The following GOT2 variants were observed in gnomAD, a reference collection of about 807,000 sequenced individuals.
GOT2 encodes glutamic-oxaloacetic transaminase 2.
Under a neutral mutation model 50.0 loss-of-function variants are expected in GOT2, and 17 were observed. The ratio of observed to expected loss-of-function variants is 0.34; its 90% CI spans 0.23 to 0.51. The LOEUF is 0.51. Among genes scored for constraint, GOT2 ranks in the 20% least tolerant of loss-of-function variants. The pLI, the probability that GOT2 is intolerant of heterozygous loss-of-function variation, is 0.97. For missense variants in GOT2, 430 were observed against 559.6 expected, an observed-to-expected ratio of 0.77 and a Z score of 2.34; for synonymous variants, 172 against 204.9, an observed-to-expected ratio of 0.84 and a Z score of 1.37.
chr16:58,712,748 A>G (rs913214947), intron 8 of GOT2, among the ~76,000 whole-genome samples: 1 of 152,222 alleles, frequency 6.6e-6, no homozygotes, highest in Admixed American at 6.5e-5. Flanking sequence ...AAAGCTTAGT[A>G]TAATTCTAAG....
At chr16:58,709,339 A>G (rs1310216894) in intron 9 of GOT2, 78 bp downstream of exon 9, 1 of 1,202,582 alleles carries the variant, frequency 8.3e-7, no homozygotes, top group African/African-American at 1.5e-5. Flanking sequence ...ATAAAAAAGA[A>G]AAAAGAAAAA....
At chr16:58,715,876 C>A in intron 8 of GOT2, 138 bp downstream of exon 8, 1 of 655,586 alleles carries the variant, frequency 1.5e-6, no homozygotes. Flanking sequence ...AAGGAATGCA[C>A]ATTTTTTGCT....
chr16:58,726,831 CTGAGT>C (rs2044789203), intron 1 of GOT2, among the ~76,000 whole-genome samples: 1 of 149,084 alleles, frequency 6.7e-6, no homozygotes, highest in Admixed American at 6.6e-5. Context: ...TGAAAAGAAG[CTGAGT>C]TAACTTTTTT....
intron 1 of GOT2, among the ~76,000 whole-genome samples, chr16:58,728,397 T>C (rs2044804525): frequency 6.6e-6 from 1 of 152,142 alleles, no homozygotes; most frequent in Non-Finnish European, 1.5e-5. Flanking sequence ...AAAAAAACAC[T>C]CAAAACCTAA....
At position 58,718,246 on chromosome 16, in the gene GOT2, C is replaced by A; in HGVS notation, c.652G>T (p.Gly218Ter). The change falls in exon 6 of 10, where the codon GGA becomes TGA. Residue 218 changes from glycine to a stop codon, truncating the protein, a stop_gained. Transcript: ENST00000245206. LOFTEE classifies it high-confidence loss of function. ...CACTGTTCCGGACGCGGGTCCACTC[C>A]CGTGGGATTGTGGGCGCAGGCATGC... ...LLHACAHNPTGVDPRPEQWKE... is the reference protein window; with the variant it reads ...LLHACAHNPT 1.2e-6 allele frequency: 2 copies of A among 1,614,116 alleles called. No homozygotes were observed. The highest frequency in any genetic ancestry group is 1.7e-6 in the Non-Finnish European group (2 of 1,179,954).
chr16:58,716,042 G>T lies in GOT2; in HGVS notation c.991C>A (p.Leu331Met), dbSNP rs2044689253. 6.2e-7 allele frequency: 1 copy of T among 1,613,318 alleles called. No homozygotes were observed. Among genetic ancestry groups the T allele is most frequent in the Admixed American group, 1.7e-5 (1 of 59,668 alleles). ...LNGARIAAAILNTPDLRKQWL... is the reference protein window; with the variant it reads ...LNGARIAAAIMNTPDLRKQWL... ...TGTTTTCGCAAATCTGGGGTGTTCAGAATGGCAGCAGCAATCCGGGCCCCA... is the reference window on the plus strand; with the variant it reads ...TGTTTTCGCAAATCTGGGGTGTTCATAATGGCAGCAGCAATCCGGGCCCCA... The change falls in exon 8 of 10, where the codon CTG becomes ATG. Residue 331 changes from leucine (L) to methionine (M), a missense_variant. Physicochemically the swap from Leu to Met is conservative, Grantham distance 15. Coordinates refer to ENST00000245206, the MANE Select transcript of GOT2 (RefSeq NM_002080.4).
chr16:58,725,263 C>T (rs944327296), intron 1 of GOT2, among the ~76,000 whole-genome samples: 3 of 151,722 alleles, frequency 2.0e-5, no homozygotes, highest in East Asian at 3.9e-4. Flanking sequence ...TACAAGTGTC[C>T]GCCACTACAC....
chr16:58,720,419 G>A (rs1305045763), intron 3 of GOT2, among the ~76,000 whole-genome samples: 3 of 152,086 alleles, frequency 2.0e-5, no homozygotes, highest in Admixed American at 2.0e-4. Flanking sequence ...GCTCTACAAA[G>A]CACAAATGTA....
At chr16:58,733,978 C>A in intron 1 of GOT2, 162 bp downstream of exon 1, 1 of 406,092 alleles carries the variant, frequency 2.5e-6, no homozygotes, top group Non-Finnish European at 4.3e-6. Context: ...AATCCTCAGT[C>A]CCCAGTAAGG....
chr16:58,713,572 CAG>C (rs1240398443), intron 8 of GOT2, among the ~76,000 whole-genome samples: 1 of 152,250 alleles, frequency 6.6e-6, no homozygotes, highest in African/African-American at 2.4e-5. Context: ...CTTCATGGGA[CAG>C]AGAGACAGAA....
Position 58,723,735 on chromosome 16 carries a change from A to G in GOT2, c.246+11T>C. The G allele has an allele frequency of 6.2e-7, 1 of 1,608,156 alleles. No individual in the cohort carries two copies. Among genetic ancestry groups the G allele is most frequent in the Non-Finnish European group, 8.5e-7 (1 of 1,174,794 alleles). On this transcript the variant is annotated intron_variant, in intron 2 of 9. Coordinates refer to ENST00000245206, the MANE Select transcript of GOT2 (RefSeq NM_002080.4). ...TCATCCCATTCAAAAGGAGATGAAC[A>G]GCAAGCTCACCTTGCGGACGCTAGG...
chr16:58,724,612 C>T (rs2044768526), intron 1 of GOT2, among the ~76,000 whole-genome samples: 1 of 152,208 alleles, frequency 6.6e-6, no homozygotes. Context: ...GTGATCTCAG[C>T]TCACTGCAAC....
intron 1 of GOT2, among the ~76,000 whole-genome samples, chr16:58,730,708 C>T (rs1198298402): frequency 2.0e-5 from 3 of 152,184 alleles, no homozygotes; most frequent in African/African-American, 7.2e-5. Flanking sequence ...TAGTAACCAT[C>T]TTTCAACTCC....
chr16:58,728,002 T>C (rs1176501632), intron 1 of GOT2, among the ~76,000 whole-genome samples: 1 of 152,166 alleles, frequency 6.6e-6, no homozygotes, highest in Non-Finnish European at 1.5e-5. Context: ...CTTAATGTAC[T>C]TGTGGCTAGT....
intron 2 of GOT2, 28 bp from the exon 3 acceptor site, chr16:58,722,306 A>G: frequency 6.2e-7 from 1 of 1,607,666 alleles, no homozygotes; most frequent in Non-Finnish European, 8.5e-7. Context: ...CATCCATTGA[A>G]TTTCTTCTCC....
chr16:58,709,617 T>C (rs780306558), intron 8 of GOT2, 50 bp from the exon 9 acceptor site: 5 of 1,526,890 alleles, frequency 3.3e-6, no homozygotes, highest in Admixed American at 3.4e-5. Flanking sequence ...CACTGACCGA[T>C]ATGCTGGAGT....
At chr16:58,729,191 G>C (rs2044811994) in intron 1 of GOT2, among the ~76,000 whole-genome samples, 1 of 151,306 alleles carries the variant, frequency 6.6e-6, no homozygotes. Flanking sequence ...ACCAACTTCT[G>C]AACTGGGCCT....
In GOT2 at chr16:58,709,480, G is replaced by T. The variant is rs1455437591; in HGVS notation, c.1107C>A (p.His369Gln). The change falls in exon 9 of 10, where the codon CAC becomes CAA. Residue 369 changes from histidine (H) to glutamine (Q), a missense_variant. Transcript: ENST00000245206. Reference sequence around the variant, plus strand: ...TTTGGTCGGTGATGTGTTGCCAATTGTGGGTGGAACCCTCCTTCTTGAGGT... The same window carrying T: ...TTTGGTCGGTGATGTGTTGCCAATTTTGGGTGGAACCCTCCTTCTTGAGGT... ...VSNLKKEGST[H>Q]NWQHITDQIG... 3 of 1,614,014 alleles carry T rather than the reference G, an allele frequency of 1.9e-6. No homozygotes were observed. In the South Asian group the frequency reaches 3.3e-5, roughly 18 times the overall value.
At position 58,734,178 on chromosome 16, in the gene GOT2, GA is replaced by G; in HGVS notation, c.50del (p.Phe17SerfsTer44). On this transcript the variant is annotated frameshift_variant, in exon 1 of 10. Transcript: ENST00000245206. LOFTEE classifies it high-confidence loss of function. The stretch of plus-strand genomic sequence containing the variant: ...AGGCCGCGGCGGCGAGGCCCGGGTG[GA>G]AGGCGGCGGCGATCCCGGGGAGGAC... ...GRVLPGIAAA[F>X]HPGLAAAASA... is the part of the protein sequence containing the mutation. The G allele has an allele frequency of 1.5e-6, 2 of 1,336,418 alleles. No individual in the cohort carries two copies. The highest frequency in any genetic ancestry group is 4.9e-5 in the South Asian group (2 of 40,454). 82.8% of individuals were successfully genotyped at this position (1,336,418 alleles called of 1,614,324 possible).
Sources: gnomAD v4.1 joint callset for allele counts (sites outside exome capture counted in the v4.1 genomes callset) on GRCh38, gnomAD v4.1.1 for gene constraint, MANE v1.5 for transcripts, NCBI Gene and HGNC (gene_info 2026-07-23, HGNC 2026-07-21) for gene names.